The following ZDHHC14 variants were observed in gnomAD, a reference collection of about 807,000 sequenced individuals.
ZDHHC14 encodes the protein palmitoyltransferase ZDHHC14.
ZDHHC14 carries 16 observed loss-of-function variants against 47.7 expected under a neutral mutation model. That is an observed-to-expected ratio of 0.34 (90% CI 0.23 to 0.51). The LOEUF is 0.51. Ranked by LOEUF, ZDHHC14 falls within the 20% of genes least tolerant of loss-of-function variation. The probability of loss-of-function intolerance (pLI) is 0.97; values close to 1 mark genes in which losing one functional copy is unlikely to be tolerated. For missense variants in ZDHHC14, 515 were observed against 662.5 expected (o/e 0.78, Z 2.44); for synonymous variants, 293 against 278.9 (o/e 1.05, Z -0.50).
In ZDHHC14 at chr6:157,542,639, C is replaced by T. The variant is rs1340969122; in HGVS notation, c.300C>T (p.Ile100=). The change falls in exon 2 of 9, where the codon ATC becomes ATT. Residue 100 remains isoleucine, a synonymous_variant. Coordinates refer to ENST00000359775, the MANE Select transcript of ZDHHC14 (RefSeq NM_024630.3). The part of the protein sequence containing the change: ...ITPAIPAVAG[I]LFFFVMGTLL... ...CTGCCATCCCTGCAGTCGCTGGCAT[C>T]CTGTTCTTCTTTGTGATGGGGACCC... 3 of 1,614,224 alleles carry T rather than the reference C, an allele frequency of 1.9e-6. No individual in the cohort carries two copies. The highest frequency in any genetic ancestry group is 2.2e-5 in the East Asian group (1 of 44,888).
chr6:157,560,917 C>A (rs1030415691), intron 2 of ZDHHC14, among the ~76,000 whole-genome samples: 1 of 152,118 alleles, frequency 6.6e-6, no homozygotes, highest in African/African-American at 2.4e-5. Context: ...CATTATGAGG[C>A]GTGGCGTGTC....
chr6:157,496,217 T>C (rs1167600253), intron 1 of ZDHHC14, among the ~76,000 whole-genome samples: 1 of 152,114 alleles, frequency 6.6e-6, no homozygotes, highest in African/African-American at 2.4e-5. Flanking sequence ...CCAGGGTGGT[T>C]CTGAGATGGG....
intron 1 of ZDHHC14, among the ~76,000 whole-genome samples, chr6:157,521,539 G>T (rs1780914201): frequency 1.3e-5 from 2 of 152,186 alleles, no homozygotes; most frequent in African/African-American, 4.8e-5. Flanking sequence ...TTCAAAGATG[G>T]CACCTTCTAG....
At chr6:157,451,158 T>A (rs1304837772) in intron 1 of ZDHHC14, among the ~76,000 whole-genome samples, 1 of 152,110 alleles carries the variant, frequency 6.6e-6, no homozygotes, top group African/African-American at 2.4e-5. Context: ...TAACCTTTGC[T>A]GTGATCTTGA....
chr6:157,590,332 G>T (rs1003694701), intron 2 of ZDHHC14, among the ~76,000 whole-genome samples: 1 of 152,164 alleles, frequency 6.6e-6, no homozygotes, highest in African/African-American at 2.4e-5. Context: ...CCCATCACAG[G>T]CCCAGAGGTC....
chr6:157,485,427 T>C (rs1779754600), intron 1 of ZDHHC14, among the ~76,000 whole-genome samples: 1 of 152,246 alleles, frequency 6.6e-6, no homozygotes, highest in Non-Finnish European at 1.5e-5. Context: ...TCTTTCTTTG[T>C]ATGTAAAAAT....
At chr6:157,606,942 T>C (rs1413230856) in intron 3 of ZDHHC14, among the ~76,000 whole-genome samples, 2 of 152,240 alleles carry the variant, frequency 1.3e-5, no homozygotes, top group African/African-American at 4.8e-5. Context: ...GCAGCTATTT[T>C]ATATGGTGTC....
intron 1 of ZDHHC14, among the ~76,000 whole-genome samples, chr6:157,538,578 A>G (rs1321465086): frequency 6.6e-6 from 1 of 152,234 alleles, no homozygotes; most frequent in Non-Finnish European, 1.5e-5. Flanking sequence ...TACAAAGGAC[A>G]CAAAGAGGAA....
At chr6:157,555,286 G>C (rs1267925201) in intron 2 of ZDHHC14, among the ~76,000 whole-genome samples, 1 of 152,194 alleles carries the variant, frequency 6.6e-6, no homozygotes, top group Non-Finnish European at 1.5e-5. Context: ...ACACAGACAC[G>C]GAGCTGGTCA....
At chr6:157,435,731 T>C (rs9364498) in intron 1 of ZDHHC14, among the ~76,000 whole-genome samples, 1 of 151,952 alleles carries the variant, frequency 6.6e-6, no homozygotes, top group African/African-American at 2.4e-5. Flanking sequence ...GTAGAGACAC[T>C]GTTTTGCCAT....
intron 8 of ZDHHC14, among the ~76,000 whole-genome samples, chr6:157,666,105 A>G (rs1285133956): frequency 6.6e-6 from 1 of 152,198 alleles, no homozygotes; most frequent in Non-Finnish European, 1.5e-5. Flanking sequence ...TCCACTTTTT[A>G]GTGTACACAC....
intron 1 of ZDHHC14, among the ~76,000 whole-genome samples, chr6:157,495,963 C>A (rs1258583339): frequency 6.6e-6 from 1 of 152,046 alleles, no homozygotes; most frequent in Non-Finnish European, 1.5e-5. Flanking sequence ...CCTCGGCCTT[C>A]CAAAGTGCTG....
intron 5 of ZDHHC14, among the ~76,000 whole-genome samples, chr6:157,638,299 C>T (rs1250207905): frequency 6.6e-6 from 1 of 152,178 alleles, no homozygotes; most frequent in Non-Finnish European, 1.5e-5. Context: ...TCCCTCCCTC[C>T]GTCCTCCTCC....
intron 2 of ZDHHC14, among the ~76,000 whole-genome samples, chr6:157,546,740 CA>C (rs1781987002): frequency 6.6e-6 from 1 of 152,126 alleles, no homozygotes; most frequent in African/African-American, 2.4e-5. Flanking sequence ...AAAAAAATGA[CA>C]AAAACTGTAC....
rs144721717 is a variant in ZDHHC14, at chr6:157,509,067, G to A, written c.246-33518G>A. 2.5e-3 allele frequency among the ~76,000 whole-genome samples: 376 copies of A among 152,250 alleles called. 1 individual carries two copies. Among genetic ancestry groups the A allele is most frequent in the Admixed American group, 5.9e-3 (91 of 15,296 alleles). On this transcript the variant is annotated intron_variant, in intron 1 of 8. Coordinates refer to ENST00000359775, the MANE Select transcript of ZDHHC14 (RefSeq NM_024630.3). ...GGCCCCCTGCATTCCTTGGCTCGTG[G>A]CTCCTTTCACTCCAGCAGCAGTGGG... is the stretch of plus-strand genomic sequence containing the variant.
intron 1 of ZDHHC14, among the ~76,000 whole-genome samples, chr6:157,517,805 C>T (rs1780754041): frequency 6.6e-6 from 1 of 152,244 alleles, no homozygotes; most frequent in African/African-American, 2.4e-5. Context: ...AGGGACAGTG[C>T]TGGCATTTGT....
intron 3 of ZDHHC14, among the ~76,000 whole-genome samples, chr6:157,593,541 C>T (rs567804041): frequency 6.6e-6 from 1 of 152,290 alleles, no homozygotes; most frequent in South Asian, 2.1e-4. Flanking sequence ...CGTTTAATCC[C>T]CACTCCTTCT....
At chr6:157,554,796 C>T (rs1209570802) in intron 2 of ZDHHC14, among the ~76,000 whole-genome samples, 7 of 152,218 alleles carry the variant, frequency 4.6e-5, no homozygotes, top group African/African-American at 1.4e-4. Flanking sequence ...ATGGTGGTGA[C>T]ACTCTGCAGA....
Position 157,582,381 on chromosome 6 carries a change from C to T in ZDHHC14, c.407-10607C>T, listed in dbSNP as rs1438591614. Among the ~76,000 whole-genome samples the T allele has an allele frequency of 6.6e-6, 1 of 152,164 alleles. No individual in the cohort carries two copies. The highest frequency in any genetic ancestry group is 2.4e-5 in the African/African-American group (1 of 41,440). On this transcript the variant is annotated intron_variant, in intron 2 of 8. Coordinates refer to ENST00000359775, the MANE Select transcript of ZDHHC14 (RefSeq NM_024630.3). This position sits in a 1 kb window ranked among gnomAD's most constrained non-coding sequence, Gnocchi z 4.3. Reference sequence around the variant, plus strand: ...TTTGTAGTGGCTGGTAATGGTCCTTCCTTTCCATATTTAGTGCTCTTTTCA... The same window carrying T: ...TTTGTAGTGGCTGGTAATGGTCCTTTCTTTCCATATTTAGTGCTCTTTTCA...
Sources: allele counts gnomAD v4.1 joint callset (sites outside exome capture counted in the v4.1 genomes callset), GRCh38; gene constraint gnomAD v4.1.1; non-coding constraint Gnocchi (gnomAD v3.1); transcripts MANE v1.5; gene names NCBI Gene and HGNC (gene_info 2026-07-23, HGNC 2026-07-21).